STK38L: variants seen among roughly 807,000 people sequenced by gnomAD.
STK38L encodes the protein serine/threonine-protein kinase 38-like.
A neutral mutation model predicts 59.7 loss-of-function variants in STK38L; 28 were observed. The observed-to-expected ratio is 0.47, with a 90% CI of 0.35 to 0.64. The LOEUF (loss-of-function observed/expected upper bound fraction) is 0.64, where lower values mean the gene tolerates loss of function less well. Ranked by LOEUF, STK38L falls within the 30% of genes least tolerant of loss-of-function variation. The probability of loss-of-function intolerance (pLI) is 0.01; values close to 1 mark genes in which losing one functional copy is unlikely to be tolerated. For missense variants in STK38L, 314 were observed against 555.8 expected (o/e 0.56, Z 4.37); for synonymous variants, 162 against 176.8 (o/e 0.92, Z 0.66).
At chr12:27,266,175 G>C (rs745488362) in intron 1 of STK38L, among the ~76,000 whole-genome samples, 1 of 152,176 alleles carries the variant, frequency 6.6e-6, no homozygotes, top group Non-Finnish European at 1.5e-5. Flanking sequence ...GCTTCCAAAA[G>C]AAATAAGTGT....
intron 1 of STK38L, among the ~76,000 whole-genome samples, chr12:27,268,621 T>C (rs374431645): frequency 1.1e-4 from 16 of 152,324 alleles, no homozygotes; most frequent in African/African-American, 1.4e-4. Flanking sequence ...TATAATCCTT[T>C]GGGTATATAC....
At chr12:27,309,324 C>T (rs1232863449) in intron 5 of STK38L, 127 bp downstream of exon 5, 3 of 475,450 alleles carry the variant, frequency 6.3e-6, no homozygotes, top group Non-Finnish European at 1.0e-5. Flanking sequence ...TTTTTGGTAG[C>T]CTGTTTTAGT....
chr12:27,284,538 C>G (rs748618782), intron 1 of STK38L, among the ~76,000 whole-genome samples: 4 of 152,128 alleles, frequency 2.6e-5, no homozygotes, highest in Non-Finnish European at 5.9e-5. Flanking sequence ...CAATCTTAGA[C>G]CTGTAGTAGA....
At chr12:27,298,991 G>A (rs1229466852) in intron 2 of STK38L, among the ~76,000 whole-genome samples, 1 of 152,204 alleles carries the variant, frequency 6.6e-6, no homozygotes, top group African/African-American at 2.4e-5. Context: ...TCAGGGTGGG[G>A]AATTAGAAAC....
chr12:27,313,662 C>T (rs1424694395), intron 6 of STK38L, among the ~76,000 whole-genome samples: 3 of 151,628 alleles, frequency 2.0e-5, no homozygotes, highest in Non-Finnish European at 4.4e-5. Flanking sequence ...GGAATACAGG[C>T]GTGAACCACT....
intron 1 of STK38L, among the ~76,000 whole-genome samples, chr12:27,254,635 C>G (rs189565972): frequency 2.0e-4 from 31 of 152,232 alleles, no homozygotes; most frequent in Non-Finnish European, 3.2e-4. Flanking sequence ...ATGGTAGTCT[C>G]TAATTCAAAT....
intron 5 of STK38L, among the ~76,000 whole-genome samples, chr12:27,311,046 T>C (rs1330405428): frequency 6.6e-6 from 1 of 152,244 alleles, no homozygotes; most frequent in Non-Finnish European, 1.5e-5. Flanking sequence ...ACCAGATTAC[T>C]ATAGGTCATA....
At chr12:27,291,508 T>C (rs551216383) in intron 1 of STK38L, among the ~76,000 whole-genome samples, 1 of 152,356 alleles carries the variant, frequency 6.6e-6, no homozygotes, top group Non-Finnish European at 1.5e-5. Context: ...AACTGTGTTT[T>C]ATCAGTCTTA....
intron 1 of STK38L, among the ~76,000 whole-genome samples, chr12:27,248,371 G>A (rs1482661454): frequency 2.6e-5 from 4 of 152,152 alleles, no homozygotes; most frequent in Non-Finnish European, 4.4e-5. Flanking sequence ...CTATAGAAGT[G>A]CACAGTGTCT....
intron 1 of STK38L, among the ~76,000 whole-genome samples, chr12:27,281,374 C>T (rs557319022): frequency 0.087 from 342 of 3,930 alleles, 152 homozygotes; most frequent in African/African-American, 0.24. Context: ...CGTGAGCCAC[C>T]GCGCCCGGCC....
At chr12:27,309,958 G>A (rs1944417673) in intron 5 of STK38L, among the ~76,000 whole-genome samples, 2 of 152,214 alleles carry the variant, frequency 1.3e-5, no homozygotes, top group African/African-American at 4.8e-5. Flanking sequence ...GTTACAAGGG[G>A]TGGCTTCGAG....
At chr12:27,269,308 G>T (rs2136616478) in intron 1 of STK38L, among the ~76,000 whole-genome samples, 1 of 152,268 alleles carries the variant, frequency 6.6e-6, no homozygotes, top group African/African-American at 2.4e-5. Context: ...TAAGGTGTAA[G>T]GAAGGGATCC....
At chr12:27,287,807 T>G (rs1943807072) in intron 1 of STK38L, among the ~76,000 whole-genome samples, 1 of 152,220 alleles carries the variant, frequency 6.6e-6, no homozygotes, top group African/African-American at 2.4e-5. Context: ...ATTAATTGAA[T>G]GTCTTCTCCT....
At chr12:27,315,458 A>G in intron 9 of STK38L, 108 bp downstream of exon 9, 1 of 842,970 alleles carries the variant, frequency 1.2e-6, no homozygotes, top group South Asian at 1.9e-5. Flanking sequence ...ACTTCATAAC[A>G]ATGGTAGCGC....
At chr12:27,254,549 A>AT (rs538438326) in intron 1 of STK38L, among the ~76,000 whole-genome samples, 5 of 151,374 alleles carry the variant, frequency 3.3e-5, no homozygotes, top group Non-Finnish European at 7.4e-5. Flanking sequence ...TACAGTGGTT[A>AT]TTTTTTTTTC....
chr12:27,303,232 G>C (rs1001030474), intron 3 of STK38L, among the ~76,000 whole-genome samples: 1 of 151,802 alleles, frequency 6.6e-6, no homozygotes, highest in African/African-American at 2.4e-5. Flanking sequence ...ATCTTTAGTA[G>C]CTGGGCATGG....
intron 1 of STK38L, among the ~76,000 whole-genome samples, chr12:27,278,770 C>T (rs1943590696): frequency 6.6e-6 from 1 of 152,122 alleles, no homozygotes; most frequent in South Asian, 2.1e-4. Context: ...GGATACTTGT[C>T]CCCTAGCTGA....
At chr12:27,284,797 A>G (rs1943734755) in intron 1 of STK38L, among the ~76,000 whole-genome samples, 1 of 152,218 alleles carries the variant, frequency 6.6e-6, no homozygotes, top group Admixed American at 6.5e-5. Flanking sequence ...CTGTTCAGGT[A>G]TTAATGATAA....
chr12:27,312,977 A>C (rs1944490913), intron 6 of STK38L, among the ~76,000 whole-genome samples: 1 of 152,174 alleles, frequency 6.6e-6, no homozygotes, highest in South Asian at 2.1e-4. Flanking sequence ...GGATGGGCGC[A>C]GTGGCTCACG....
Sources: gnomAD v4.1 joint callset for allele counts (sites outside exome capture counted in the v4.1 genomes callset) on GRCh38, gnomAD v4.1.1 for gene constraint, MANE v1.5 for transcripts, NCBI Gene and HGNC (gene_info 2026-07-23, HGNC 2026-07-21) for gene names.